DMD: variants seen among roughly 807,000 people sequenced by gnomAD.
DMD encodes the protein mutant dystrophin.
DMD carries 63 observed loss-of-function variants against 330.1 expected under a neutral mutation model. The observed-to-expected ratio is 0.19, with a 90% confidence interval of 0.16 to 0.24. DMD has a LOEUF of 0.24. DMD is among the 10% of genes least tolerant of loss of function. DMD has a pLI of 1.00. For missense variants in DMD, 3,344 were observed against 2,684.1 expected (o/e 1.25, Z -5.43); for synonymous variants, 1,223 against 959.8 (o/e 1.27, Z -5.07).
At chrX:31,141,722 A>G in intron 76 of DMD, among the ~76,000 whole-genome samples, 1 of 111,447 alleles carries the variant, frequency 9.0e-6, no homozygotes, top group Non-Finnish European at 1.9e-5. Flanking sequence ...GTTGATCATG[A>G]TTTCAGATTA....
rs753152929 is a variant in DMD at position 32,349,033 on chromosome X, T to G, written c.5326-505A>C. ...AGCACAGCACAATTGACAGGCATGC[T>G]CTTCTAAGACAATGCCATTAGCTTG... is the stretch of plus-strand genomic sequence containing the variant. On this transcript the variant is annotated intron_variant, in intron 37 of 78. Transcript: ENST00000357033. Among the ~76,000 whole-genome samples, 81 of 111,518 alleles carry G rather than the reference T, an allele frequency of 7.3e-4. 1 individual carries two copies. The highest frequency in any genetic ancestry group is 1.4e-3 in the Non-Finnish European group (76 of 52,859).
chrX:32,207,903 AT>A (rs1426253667), intron 44 of DMD, among the ~76,000 whole-genome samples: 1 of 112,066 alleles, frequency 8.9e-6, no homozygotes, highest in Admixed American at 9.5e-5. Context: ...GCCATAAATT[AT>A]AAAAAAATAG....
intron 2 of DMD, among the ~76,000 whole-genome samples, chrX:32,911,538 T>G (rs1016014966): frequency 1.8e-5 from 2 of 112,203 alleles, no homozygotes; most frequent in Non-Finnish European, 3.8e-5. Flanking sequence ...ATAATGAGTT[T>G]TATTAAATAA....
chrX:32,342,033 T>A (rs2097745934), intron 41 of DMD, 67 bp downstream of exon 41: 3 of 1,036,729 alleles, frequency 2.9e-6, no homozygotes, highest in Non-Finnish European at 4.0e-6. Flanking sequence ...TTTTTTTTTA[T>A]TAGTAGGCCT....
chrX:31,217,015 CATT>C (rs201306410), intron 64 of DMD, among the ~76,000 whole-genome samples: 2,250 of 111,995 alleles, frequency 0.02, 20 homozygotes, highest in Middle Eastern at 0.037. Context: ...ACCCACCACA[CATT>C]ATTAATAAAC....
At chrX:31,568,895 T>C (rs1428031592) in intron 55 of DMD, among the ~76,000 whole-genome samples, 3 of 111,523 alleles carry the variant, frequency 2.7e-5, no homozygotes, top group Non-Finnish European at 5.7e-5. Context: ...CATCAAAATT[T>C]ATTTGTTGTA....
rs1176525732 is a variant in DMD at position 31,929,730 on chromosome X, A to G, written c.6778T>C (p.Leu2260=). 1.7e-6 allele frequency: 2 copies of G among 1,211,160 alleles called. No individual in the cohort carries two copies. The highest frequency in any genetic ancestry group is 5.9e-5 in the East Asian group (2 of 33,812). The part of the protein sequence containing the change: ...LEQVKLLVEE[L]PLRQGILKQL... ...TTGAGAATTCCCTGGCGCAGGGGCA[A>G]CTCTTCCACCAGTAACTGAAACAGA... The change falls in exon 47 of 79, where the codon TTG becomes CTG. Residue 2260 remains leucine (L), a synonymous_variant. Transcript: ENST00000357033.
At chrX:31,407,489 T>C (rs1403192608) in intron 60 of DMD, among the ~76,000 whole-genome samples, 6 of 95,316 alleles carry the variant, frequency 6.3e-5, no homozygotes, top group African/African-American at 2.0e-4. Context: ...TTTTTTTTTT[T>C]GAGACAGAGT....
chrX:31,404,742 T>A (rs913219026), intron 60 of DMD, among the ~76,000 whole-genome samples: 1 of 111,429 alleles, frequency 9.0e-6, no homozygotes, highest in African/African-American at 3.3e-5. Flanking sequence ...ACTATGTACA[T>A]AGGAGGAAAG....
At chrX:33,259,492 T>G (rs1446574642) in intron 1 of DMD, among the ~76,000 whole-genome samples, 1 of 108,402 alleles carries the variant, frequency 9.2e-6, no homozygotes. Flanking sequence ...ACTTTTGAAG[T>G]GCTGATAAGA....
intron 50 of DMD, among the ~76,000 whole-genome samples, chrX:31,801,727 A>G (rs2092077401): frequency 9.0e-6 from 1 of 111,151 alleles, no homozygotes; most frequent in Admixed American, 9.6e-5. Context: ...TTTCTCAATT[A>G]TACTTCAATA....
chrX:32,347,334 C>A (rs780212344), intron 38 of DMD, among the ~76,000 whole-genome samples: 6 of 111,739 alleles, frequency 5.4e-5, no homozygotes, highest in Non-Finnish European at 9.4e-5. Context: ...TTCCCTATAC[C>A]AGTTGAGGGC....
At chrX:31,209,255 T>C (rs759826167) in intron 65 of DMD, among the ~76,000 whole-genome samples, 1 of 111,962 alleles carries the variant, frequency 8.9e-6, no homozygotes, top group East Asian at 2.8e-4. Flanking sequence ...CATTCCACTA[T>C]TTGCAAAATG....
At chrX:31,375,015 C>G (rs1384035241) in intron 60 of DMD, among the ~76,000 whole-genome samples, 2 of 110,738 alleles carry the variant, frequency 1.8e-5, no homozygotes, top group African/African-American at 6.6e-5. Flanking sequence ...ACAGCTACAT[C>G]CCCTCCCTCA....
intron 61 of DMD, among the ~76,000 whole-genome samples, chrX:31,330,105 C>T (rs1051851837): frequency 3.7e-5 from 4 of 106,957 alleles, no homozygotes; most frequent in African/African-American, 1.4e-4. Context: ...TTTAGTTTGA[C>T]TGTGGCAATA....
At chrX:31,689,977 G>C (rs1445341543) in intron 52 of DMD, among the ~76,000 whole-genome samples, 1 of 112,018 alleles carries the variant, frequency 8.9e-6, no homozygotes, top group African/African-American at 3.2e-5. Context: ...ATTCAAGATG[G>C]ATTGAAGACT....
chrX:32,731,282 T>C (rs988066722), intron 7 of DMD, among the ~76,000 whole-genome samples: 3 of 112,261 alleles, frequency 2.7e-5, no homozygotes, highest in South Asian at 3.7e-4. Flanking sequence ...ATCTCGCTGA[T>C]TGCTAGCACA....
At chrX:32,928,337 T>C (rs1390355394) in intron 2 of DMD, among the ~76,000 whole-genome samples, 5 of 110,487 alleles carry the variant, frequency 4.5e-5, no homozygotes, top group Non-Finnish European at 9.4e-5. Flanking sequence ...ATGCTCTTCG[T>C]CATAAAAATT....
chrX:31,946,404 C>T (rs907117346), intron 45 of DMD, among the ~76,000 whole-genome samples: 12 of 111,700 alleles, frequency 1.1e-4, no homozygotes, highest in African/African-American at 3.3e-4. Flanking sequence ...CAGGTAATAT[C>T]TTCTACATTA....
Sources: gnomAD v4.1 joint callset for allele counts (sites outside exome capture counted in the v4.1 genomes callset) on GRCh38, gnomAD v4.1.1 for gene constraint, MANE v1.5 for transcripts, NCBI Gene and HGNC (gene_info 2026-07-23, HGNC 2026-07-21) for gene names.